The following EMC3 variants were observed in gnomAD, a reference collection of about 807,000 sequenced individuals.
The protein encoded by EMC3 is ER membrane protein complex subunit 3.
EMC3 carries 13 observed loss-of-function variants against 36.6 expected under a neutral mutation model. The observed-to-expected ratio is 0.35, with a 90% CI of 0.23 to 0.56. EMC3 has a LOEUF of 0.56. Ranked by LOEUF, EMC3 falls within the 20% of genes least tolerant of loss-of-function variation. The probability of loss-of-function intolerance (pLI) is 0.84; values close to 1 mark genes in which losing one functional copy is unlikely to be tolerated. For missense variants in EMC3, 220 were observed against 324.5 expected (o/e 0.68, Z 2.47); for synonymous variants, 120 against 111.9 (o/e 1.07, Z -0.46).
intron 1 of EMC3, among the ~76,000 whole-genome samples, chr3:10,010,693 G>A (rs1319355562): frequency 1.3e-5 from 2 of 152,226 alleles, no homozygotes; most frequent in African/African-American, 2.4e-5. Flanking sequence ...AAACAGGAAG[G>A]CCCCTGAGGT....
At chr3:9,973,352 G>A (rs1318331898) in intron 5 of EMC3, among the ~76,000 whole-genome samples, 3 of 151,570 alleles carry the variant, frequency 2.0e-5, no homozygotes, top group South Asian at 2.1e-4. Flanking sequence ...CCGCCACCAC[G>A]CCTGGCTAAG....
At chr3:9,987,215 A>C (rs1357678009), upstream of EMC3, 1 of 500,042 alleles carries the variant, frequency 2.0e-6, no homozygotes, top group African/African-American at 2.9e-5. Flanking sequence ...CTCCGTCTCA[A>C]AAAAAAAAAA....
At chr3:9,986,485 C>G in intron 1 of EMC3, 22 bp downstream of exon 1, 1 of 1,611,708 alleles carries the variant, frequency 6.2e-7, no homozygotes, top group Non-Finnish European at 8.5e-7. Flanking sequence ...GTGAGGTAGG[C>G]TGGAGAAGGG....
chr3:10,006,077 T>C (rs1448021425), intron 1 of EMC3, among the ~76,000 whole-genome samples: 1 of 152,124 alleles, frequency 6.6e-6, no homozygotes, highest in East Asian at 1.9e-4. Flanking sequence ...CCAGGAAGTT[T>C]TAGTGAAGCC....
intron 5 of EMC3, among the ~76,000 whole-genome samples, chr3:9,972,462 GAAAA>G (rs34891720): frequency 3.6e-4 from 33 of 90,724 alleles, no homozygotes; most frequent in South Asian, 1.0e-3. Context: ...GAGTTTCAAT[GAAAA>G]AAAAAAAAAA....
At position 9,968,047 on chromosome 3, in the gene EMC3, G is replaced by A. The variant is rs556621387; in HGVS notation, c.657+1672C>T. 2.7e-3 allele frequency among the ~76,000 whole-genome samples: 415 copies of A among 152,146 alleles called. 1 individual carries two copies. Among genetic ancestry groups the A allele is most frequent in the Non-Finnish European group, 4.6e-3 (314 of 68,008 alleles). On this transcript the variant is annotated intron_variant, in intron 7 of 7. Transcript: ENST00000245046. The stretch of plus-strand genomic sequence containing the variant: ...AGTGATTCTCCTGCCTCAGCCTCCC[G>A]AGTAGCTGGGACTACAGGCAGGCAC...
chr3:9,980,490 C>G (rs1399943070), intron 1 of EMC3, among the ~76,000 whole-genome samples: 1 of 151,536 alleles, frequency 6.6e-6, no homozygotes, highest in Admixed American at 6.6e-5. Context: ...CTTAGTCTCC[C>G]GAGTAGCTAG....
intron 1 of EMC3, among the ~76,000 whole-genome samples, chr3:10,000,331 C>T (rs565017773): frequency 1.3e-5 from 2 of 152,252 alleles, no homozygotes; most frequent in South Asian, 4.1e-4. Flanking sequence ...TGAGCTACTG[C>T]GCCCGGCCTC....
At chr3:10,002,257 AT>A (rs1329142928) in intron 1 of EMC3, among the ~76,000 whole-genome samples, 2 of 150,062 alleles carry the variant, frequency 1.3e-5, no homozygotes, top group African/African-American at 5.0e-5. Flanking sequence ...TATGTCTTTA[AT>A]TTTTTTCAGC....
intron 7 of EMC3, among the ~76,000 whole-genome samples, chr3:9,968,141 TG>T (rs1451875531): frequency 1.3e-5 from 2 of 152,234 alleles, no homozygotes; most frequent in African/African-American, 4.8e-5. Flanking sequence ...AGGATGGTCT[TG>T]ATCTCTTGAC....
chr3:10,007,288 G>A (rs1175674835), intron 1 of EMC3: 1 of 1,267,402 alleles, frequency 7.9e-7, no homozygotes, highest in Non-Finnish European at 1.0e-6. Context: ...CACACTACCT[G>A]GTGAACATTT....
Position 9,986,434 on chromosome 3 carries a change from T to A in EMC3, c.155+73A>T. 1.9e-6 allele frequency: 3 copies of A among 1,570,708 alleles called. No homozygotes were observed. In the South Asian group the frequency reaches 3.4e-5, roughly 18 times the overall value. ...GGGCGCGACGTGAACCTAGGCAAAT[T>A]GACACAACTCCTGCACTTTTTTGCC... On this transcript the variant is annotated intron_variant, in intron 1 of 7. Coordinates refer to ENST00000245046, the MANE Select transcript of EMC3 (RefSeq NM_001394674.1).
intron 1 of EMC3, among the ~76,000 whole-genome samples, chr3:9,996,610 G>C (rs1042271751): frequency 5.6e-4 from 85 of 151,962 alleles, no homozygotes; most frequent in African/African-American, 2.0e-3. Flanking sequence ...CCCTTTCTTG[G>C]ATCCCCAGTC....
At chr3:9,999,482 G>A (rs1419879927) in intron 1 of EMC3, among the ~76,000 whole-genome samples, 1 of 152,010 alleles carries the variant, frequency 6.6e-6, no homozygotes, top group African/African-American at 2.4e-5. Flanking sequence ...CTCGTGATCT[G>A]CCTACCTCAG....
At chr3:10,008,472 G>A (rs943903444) in intron 1 of EMC3, 3 of 1,367,538 alleles carry the variant, frequency 2.2e-6, no homozygotes, top group African/African-American at 1.5e-5. Flanking sequence ...GCCTCCATAT[G>A]GCAGACATTC....
upstream of EMC3, among the ~76,000 whole-genome samples, chr3:9,991,542 G>A (rs1463035256): frequency 1.3e-5 from 2 of 152,000 alleles, no homozygotes; most frequent in Non-Finnish European, 2.9e-5. Flanking sequence ...AAAGAGACAG[G>A]GTCTCACTCT....
intron 1 of EMC3, chr3:10,007,179 C>A (rs1303719780): frequency 6.1e-6 from 4 of 650,544 alleles, no homozygotes; most frequent in Non-Finnish European, 8.9e-6. Context: ...ATCAGGGTGA[C>A]CCCACCCACA....
At chr3:9,972,520 C>T (rs1437988078) in intron 5 of EMC3, among the ~76,000 whole-genome samples, 1 of 150,284 alleles carries the variant, frequency 6.7e-6, no homozygotes, top group African/African-American at 2.4e-5. Flanking sequence ...CCTGTAATCC[C>T]AGCACTATGG....
rs2085773824 is a variant in EMC3, at chr3:9,970,485, T to C, written c.574+97A>G. 6 of 1,303,416 alleles carry C rather than the reference T, an allele frequency of 4.6e-6. No homozygotes were observed. The African/African-American group carries it at 7.3e-5, about 16-fold the overall frequency. 80.7% of individuals were successfully genotyped at this position (1,303,416 alleles called of 1,614,324 possible). A position where few individuals can be genotyped will look rare whatever the true frequency, so the allele number is the denominator to read the frequency against. On this transcript the variant is annotated intron_variant, in intron 6 of 7. Transcript: ENST00000245046. ...AGGAAGGAAACATTTTATTTGACTA[T>C]GGTAACAAACAGCACAACCTACAAG...
Sources: allele counts gnomAD v4.1 joint callset (sites outside exome capture counted in the v4.1 genomes callset), GRCh38; gene constraint gnomAD v4.1.1; transcripts MANE v1.5; gene names NCBI Gene and HGNC (gene_info 2026-07-23, HGNC 2026-07-21).